PDE4D: variants seen among roughly 807,000 people sequenced by gnomAD.
The protein encoded by PDE4D is 3',5'-cyclic-AMP phosphodiesterase 4D.
PDE4D carries 24 observed loss-of-function variants against 87.4 expected under a neutral mutation model. The observed-to-expected ratio is 0.27, with a 90% CI of 0.20 to 0.39. The LOEUF is 0.39. Among genes scored for constraint, PDE4D ranks in the 10% least tolerant of loss-of-function variants. The pLI, the probability that PDE4D is intolerant of heterozygous loss-of-function variation, is 1.00. For synonymous variants in PDE4D, 384 were observed against 383.2 expected, an observed-to-expected ratio of 1.00 and a Z score of -0.02; for missense variants, 714 against 1,041.0, an observed-to-expected ratio of 0.69 and a Z score of 4.32.
intron 1 of PDE4D, among the ~76,000 whole-genome samples, chr5:60,423,555 G>C (rs924770320): frequency 1.2e-4 from 18 of 151,868 alleles, no homozygotes; most frequent in South Asian, 2.1e-4. Flanking sequence ...CTGTGTAGAG[G>C]GAAATTTATA....
chr5:59,528,592 G>T (rs1380664957), intron 1 of PDE4D, among the ~76,000 whole-genome samples: 5 of 147,382 alleles, frequency 3.4e-5, no homozygotes, highest in African/African-American at 1.2e-4. Flanking sequence ...ATGAGGCAAA[G>T]AAAAAAAAAA....
intron 1 of PDE4D, among the ~76,000 whole-genome samples, chr5:60,187,005 A>G (rs1285456765): frequency 1.3e-5 from 2 of 152,174 alleles, no homozygotes; most frequent in Non-Finnish European, 2.9e-5. Flanking sequence ...CCGTAACAGC[A>G]AAGTAGAGGT....
chr5:59,466,406 A>G (rs989671019), intron 1 of PDE4D, among the ~76,000 whole-genome samples: 15 of 152,198 alleles, frequency 9.9e-5, no homozygotes, highest in African/African-American at 3.6e-4. Flanking sequence ...CCACAAGCCC[A>G]AATTGTTTTC....
At chr5:60,407,046 T>C (rs1355826112) in intron 1 of PDE4D, among the ~76,000 whole-genome samples, 3 of 151,494 alleles carry the variant, frequency 2.0e-5, no homozygotes, top group Non-Finnish European at 2.9e-5. Context: ...GGCCAGGAGA[T>C]GAGATGTGAC....
At chr5:59,419,870 G>T (rs753284814) in intron 1 of PDE4D, among the ~76,000 whole-genome samples, 4 of 152,086 alleles carry the variant, frequency 2.6e-5, no homozygotes, top group African/African-American at 9.7e-5. Flanking sequence ...TTTTACCGTG[G>T]AGAACCCCTT....
At chr5:58,995,524 T>C (rs757867228) in intron 6 of PDE4D, among the ~76,000 whole-genome samples, 2 of 152,218 alleles carry the variant, frequency 1.3e-5, no homozygotes, top group Non-Finnish European at 2.9e-5. Flanking sequence ...GAGTAAATTA[T>C]GGGCTATCAT....
At chr5:60,202,291 T>C (rs1489521018) in intron 1 of PDE4D, among the ~76,000 whole-genome samples, 1 of 152,094 alleles carries the variant, frequency 6.6e-6, no homozygotes, top group Non-Finnish European at 1.5e-5. Flanking sequence ...GCCTCCCTAG[T>C]AGCTGGGACT....
chr5:59,223,097 G>A (rs776958885), intron 1 of PDE4D, among the ~76,000 whole-genome samples: 1 of 152,174 alleles, frequency 6.6e-6, no homozygotes. Flanking sequence ...AATCAATGAG[G>A]TGACAGATGC....
rs1019958650 is a variant in PDE4D at position 59,131,818 on chromosome 5, T to C, written c.808+48777A>G. 4.6e-5 allele frequency among the ~76,000 whole-genome samples: 7 copies of C among 152,230 alleles called. No individual in the cohort carries two copies. In the East Asian group the frequency reaches 1.4e-3, roughly 29 times the overall value. On this transcript the variant is annotated intron_variant, in intron 5 of 14. Transcript: ENST00000340635. ...AGTTTTGTTTGGCAAAAATGAAGAG[T>C]TGGTAATTGTATGTTGGGCCTCACA...
intron 3 of PDE4D, among the ~76,000 whole-genome samples, chr5:59,921,164 T>C (rs999655784): frequency 1.3e-5 from 2 of 152,184 alleles, no homozygotes; most frequent in Non-Finnish European, 2.9e-5. Context: ...ATGATGTCAA[T>C]ATTTCAAAGT....
chr5:59,046,570 T>G (rs1760742795), intron 5 of PDE4D, among the ~76,000 whole-genome samples: 1 of 150,924 alleles, frequency 6.6e-6, no homozygotes, highest in African/African-American at 2.4e-5. Flanking sequence ...TGTGTGCATA[T>G]AAGAGAAAGG....
intron 1 of PDE4D, among the ~76,000 whole-genome samples, chr5:60,504,942 G>A (rs1405424898): frequency 6.6e-6 from 1 of 152,152 alleles, no homozygotes; most frequent in Non-Finnish European, 1.5e-5. Flanking sequence ...TCATCTGTCT[G>A]CATGTAGGTG....
chr5:59,698,325 C>T (rs1338644551), intron 1 of PDE4D, among the ~76,000 whole-genome samples: 1 of 152,036 alleles, frequency 6.6e-6, no homozygotes, highest in Non-Finnish European at 1.5e-5. Context: ...TGGCCCTGTT[C>T]CCACTTAAGC....
At chr5:59,051,812 A>G (rs1404028642) in intron 5 of PDE4D, among the ~76,000 whole-genome samples, 1 of 152,250 alleles carries the variant, frequency 6.6e-6, no homozygotes, top group East Asian at 1.9e-4. Flanking sequence ...ACTCCAAAAC[A>G]TTAACAAATA....
chr5:59,356,795 T>C, intron 1 of PDE4D: 4 of 1,571,384 alleles, frequency 2.5e-6, no homozygotes, highest in Middle Eastern at 3.3e-4. Context: ...GATTTGGCTC[T>C]TGTAGATGGT....
intron 3 of PDE4D, among the ~76,000 whole-genome samples, chr5:59,941,414 C>T (rs1392361126): frequency 6.6e-6 from 1 of 152,168 alleles, no homozygotes; most frequent in African/African-American, 2.4e-5. Context: ...CAGGGCTCCT[C>T]CCAGCTGTGT....
At chr5:59,349,074 C>A in intron 1 of PDE4D, among the ~76,000 whole-genome samples, 1 of 152,088 alleles carries the variant, frequency 6.6e-6, no homozygotes, top group East Asian at 1.9e-4. Context: ...GAGTGAGACC[C>A]TGCCTCTAAA....
intron 5 of PDE4D, among the ~76,000 whole-genome samples, chr5:59,074,708 A>G (rs567328876): frequency 2.0e-4 from 31 of 152,292 alleles, no homozygotes; most frequent in African/African-American, 7.5e-4. Flanking sequence ...GTAGTGAGCC[A>G]AGATCGTACC....
intron 5 of PDE4D, among the ~76,000 whole-genome samples, chr5:59,056,574 T>G (rs142457443): frequency 6.6e-6 from 1 of 152,218 alleles, no homozygotes; most frequent in Non-Finnish European, 1.5e-5. Flanking sequence ...CATTCGGTAT[T>G]TGTACTAATG....
Sources: allele counts gnomAD v4.1 joint callset (sites outside exome capture counted in the v4.1 genomes callset), GRCh38; gene constraint gnomAD v4.1.1; transcripts MANE v1.5; gene names NCBI Gene and HGNC (gene_info 2026-07-23, HGNC 2026-07-21).